DIP2B: variants seen among roughly 807,000 people sequenced by gnomAD.
DIP2B encodes DIP2 acetate--CoA ligase B (putative), also known as disco-interacting protein 2 homolog B.
Under a neutral mutation model 198.0 loss-of-function variants are expected in DIP2B, and 76 were observed. The observed-to-expected ratio is 0.38, with a 90% CI of 0.32 to 0.46. The LOEUF is 0.46. Among genes scored for constraint, DIP2B ranks in the 20% least tolerant of loss-of-function variants. The pLI is 0.99. For missense variants in DIP2B, 1,559 were observed against 1,978.4 expected (o/e 0.79, Z 4.02); for synonymous variants, 701 against 739.1 (o/e 0.95, Z 0.84).
At chr12:50,595,377 G>A (rs140596672) in intron 1 of DIP2B, among the ~76,000 whole-genome samples, 60 of 152,190 alleles carry the variant, frequency 3.9e-4, no homozygotes, top group Admixed American at 1.6e-3. Context: ...AATGGCTCCC[G>A]ATCACAGCTT....
chr12:50,653,717 A>T (rs1258281554), intron 3 of DIP2B, among the ~76,000 whole-genome samples: 25 of 151,400 alleles, frequency 1.7e-4, no homozygotes, highest in Non-Finnish European at 4.4e-5. Context: ...TATTTTAGTT[A>T]TTTGAATCTT....
chr12:50,726,067 T>C (rs1939927630), intron 28 of DIP2B, among the ~76,000 whole-genome samples: 1 of 152,204 alleles, frequency 6.6e-6, no homozygotes, highest in African/African-American at 2.4e-5. Flanking sequence ...GGAAGGTTTC[T>C]TTAGGCACTT....
chr12:50,728,157 G>C (rs1939970296), intron 29 of DIP2B, among the ~76,000 whole-genome samples: 1 of 152,206 alleles, frequency 6.6e-6, no homozygotes, highest in Non-Finnish European at 1.5e-5. Flanking sequence ...AAGGCGGGCA[G>C]ATCACCTGAG....
At chr12:50,603,056 C>T (rs1291650342) in intron 1 of DIP2B, among the ~76,000 whole-genome samples, 6 of 150,312 alleles carry the variant, frequency 4.0e-5, no homozygotes, top group East Asian at 2.0e-4. Flanking sequence ...CCCAGCTACT[C>T]GGGAGGCTGA....
chr12:50,744,786 G>C lies in DIP2B; in HGVS notation c.4678G>C (p.Asp1560His), dbSNP rs1226584127. 6 of 1,614,184 alleles carry C rather than the reference G, an allele frequency of 3.7e-6. No individual in the cohort carries two copies. The highest frequency in any genetic ancestry group is 5.1e-6 in the Non-Finnish European group (6 of 1,180,034). ...AGAGAAGCAGAGGATGCACCTCCGT[G>C]ATAGCTTCCTAGCTGACCAGTTAGA... ...RGEKQRMHLR[D>H]SFLADQLDPI... The change falls in exon 38 of 38, where the codon GAT becomes CAT. Residue 1560 changes from aspartate to histidine, a missense_variant. Coordinates refer to ENST00000301180, the MANE Select transcript of DIP2B (RefSeq NM_173602.3).
chr12:50,699,339 A>AG, intron 19 of DIP2B, 137 bp downstream of exon 19: 4 of 1,330,512 alleles, frequency 3.0e-6, no homozygotes, highest in Non-Finnish European at 4.1e-6. Flanking sequence ...GCCTAAGTTC[A>AG]AATTCTGAAC....
At chr12:50,600,241 C>A (rs1295477245) in intron 1 of DIP2B, among the ~76,000 whole-genome samples, 4 of 152,184 alleles carry the variant, frequency 2.6e-5, no homozygotes, top group African/African-American at 9.7e-5. Flanking sequence ...TTTGACATCT[C>A]AAGTGATATC....
chr12:50,537,620 G>C (rs1305014838), intron 1 of DIP2B, among the ~76,000 whole-genome samples: 1 of 152,172 alleles, frequency 6.6e-6, no homozygotes, highest in African/African-American at 2.4e-5. Flanking sequence ...ATATCCTGGA[G>C]CTGTTGAAGG....
Position 50,541,862 on chromosome 12 carries a change from C to T in DIP2B, c.100+36622C>T, listed in dbSNP as rs964148439. On this transcript the variant is annotated intron_variant, in intron 1 of 37. Transcript: ENST00000301180. ...ACTAAAAATACAAAAATTAGCCAGA[C>T]GTGATGGCGTATGCCTGTAGTCCCA... 2.2e-4 allele frequency among the ~76,000 whole-genome samples: 33 copies of T among 151,996 alleles called. 1 individual carries two copies. The highest frequency in any genetic ancestry group is 7.5e-4 in the African/African-American group (31 of 41,468).
At chr12:50,576,747 C>T in intron 1 of DIP2B, among the ~76,000 whole-genome samples, 1 of 135,198 alleles carries the variant, frequency 7.4e-6, no homozygotes, top group Admixed American at 7.2e-5. Context: ...TCTCAAAGTG[C>T]TGGGATTACA....
intron 3 of DIP2B, among the ~76,000 whole-genome samples, chr12:50,642,409 C>G (rs139176598): frequency 6.6e-5 from 10 of 152,320 alleles, no homozygotes; most frequent in East Asian, 1.9e-4. Flanking sequence ...GTAGCTCACT[C>G]CAGCTGTAGA....
chr12:50,690,977 T>C, intron 12 of DIP2B, 72 bp from the exon 13 acceptor site: 1 of 1,354,590 alleles, frequency 7.4e-7, no homozygotes, highest in Non-Finnish European at 1.0e-6. Flanking sequence ...GGTTTTGTTT[T>C]TGGATTCTAG....
At chr12:50,642,976 A>C (rs1197887832) in intron 3 of DIP2B, among the ~76,000 whole-genome samples, 2 of 152,176 alleles carry the variant, frequency 1.3e-5, no homozygotes, top group African/African-American at 4.8e-5. Context: ...CAACCTGTCC[A>C]GAAGGGTTTT....
At chr12:50,682,628 CAAAAAAAAAAAAAAAA>C in intron 9 of DIP2B, among the ~76,000 whole-genome samples, 1 of 42,142 alleles carries the variant, frequency 2.4e-5, no homozygotes, top group African/African-American at 9.6e-5. Context: ...GACTCTGTCT[CAAAAAAAAAAAAAAAA>C]AAAAAAAAAG....
intron 1 of DIP2B, among the ~76,000 whole-genome samples, chr12:50,540,389 G>A (rs1049648011): frequency 3.3e-5 from 5 of 151,372 alleles, no homozygotes; most frequent in African/African-American, 9.7e-5. Context: ...GATTACAGGC[G>A]TGAGCCACCG....
chr12:50,723,160 G>C, intron 26 of DIP2B, 42 bp from the exon 27 acceptor site: 1 of 1,612,118 alleles, frequency 6.2e-7, no homozygotes, highest in Non-Finnish European at 8.5e-7. Context: ...AGTGCTCTTA[G>C]GCAGTTCAGT....
At chr12:50,548,646 C>T (rs867942733) in intron 1 of DIP2B, among the ~76,000 whole-genome samples, 11 of 152,190 alleles carry the variant, frequency 7.2e-5, no homozygotes, top group Middle Eastern at 3.2e-3. Context: ...CTGCCTCAGC[C>T]TCCCAAGTAG....
intron 1 of DIP2B, among the ~76,000 whole-genome samples, chr12:50,612,358 C>A (rs1322809048): frequency 6.6e-6 from 1 of 151,902 alleles, no homozygotes; most frequent in African/African-American, 2.4e-5. Flanking sequence ...CTTTTGGAAT[C>A]GTGTTATTTC....
At chr12:50,706,140 C>T (rs1252242467) in intron 20 of DIP2B, among the ~76,000 whole-genome samples, 1 of 152,136 alleles carries the variant, frequency 6.6e-6, no homozygotes, top group African/African-American at 2.4e-5. Flanking sequence ...CTGTTTTAAT[C>T]TCCTCCTAAT....
Sources: gnomAD v4.1 joint callset for allele counts (sites outside exome capture counted in the v4.1 genomes callset) on GRCh38, gnomAD v4.1.1 for gene constraint, MANE v1.5 for transcripts, NCBI Gene and HGNC (gene_info 2026-07-23, HGNC 2026-07-21) for gene names.